Variants in NEB observed in about 807,000 individuals in gnomAD.
The protein encoded by NEB is nemaline myopathy type 2.
NEB carries 512 observed loss-of-function variants against 952.2 expected under a neutral mutation model. The ratio of observed to expected loss-of-function variants is 0.54; its 90% CI spans 0.50 to 0.58. The LOEUF (loss-of-function observed/expected upper bound fraction) is 0.58. Ranked by LOEUF, NEB falls within the 20% of genes least tolerant of loss-of-function variation. The pLI is 0.00. For missense variants in NEB, 8,428 were observed against 9,231.1 expected (o/e 0.91, Z 3.56); for synonymous variants, 2,900 against 3,149.8 (o/e 0.92, Z 2.66).
rs1057516996 is a variant in NEB at position 151,650,380 on chromosome 2, C to T, written c.7228-1G>A. 1.2e-6 allele frequency: 2 copies of T among 1,613,138 alleles called. No individual in the cohort carries two copies. The highest frequency in any genetic ancestry group is 1.7e-6 in the Non-Finnish European group (2 of 1,179,376). On this transcript the variant is annotated splice_acceptor_variant, in intron 53 of 181. Coordinates refer to ENST00000397345, the MANE Select transcript of NEB (RefSeq NM_001164508.2). LOFTEE classifies it high-confidence loss of function. Reference sequence around the variant, plus strand: ...ACTCAAGGTCAGATTTATATAGATTCTGTGAAAAGACAGAGCAAGCCATCA... The same window carrying T: ...ACTCAAGGTCAGATTTATATAGATTTTGTGAAAAGACAGAGCAAGCCATCA...
intron 168 of NEB, among the ~76,000 whole-genome samples, chr2:151,499,833 T>C (rs879379069): frequency 6.6e-6 from 1 of 152,178 alleles, no homozygotes; most frequent in African/African-American, 2.4e-5. Context: ...TTCAAGTTGT[T>C]GTAGAGATGG....
chr2:151,497,665 C>A lies in NEB; in HGVS notation c.24261G>T (p.Glu8087Asp). Residue 8087 changes from glutamate (E) to aspartate (D), a missense_variant, in exon 171 of 182, where the codon GAG becomes GAT. By Grantham distance (45) the Glu-to-Asp change is conservative. This residue lies in a region of NEB where 3,374 missense variants were observed against 3,651.5 expected (regional missense o/e 0.92). Coordinates refer to ENST00000397345, the MANE Select transcript of NEB (RefSeq NM_001164508.2). The part of the protein sequence containing the change: ...GKGTPLPVTP[E>D]MERVKHNQEN... ...CTTGATTGTGTTTGACTCTTTCCAT[C>A]TCGGGAGTGACAGGTAAAGGGGTTC... 1 of 1,585,756 alleles carries A rather than the reference C, an allele frequency of 6.3e-7. No homozygotes were observed. Among genetic ancestry groups the A allele is most frequent in the African/African-American group, 1.3e-5 (1 of 74,662 alleles).
Position 151,650,335 on chromosome 2 carries a change from C to T in NEB, c.7272G>A (p.Trp2424Ter). 6.2e-7 allele frequency: 1 copy of T among 1,613,912 alleles called. No individual in the cohort carries two copies. Among genetic ancestry groups the T allele is most frequent in the South Asian group, 1.1e-5 (1 of 91,090 alleles). Residue 2424 changes from tryptophan to a stop codon, truncating the protein, a stop_gained, in exon 54 of 182, where the codon TGG becomes TGA. Coordinates refer to ENST00000397345, the MANE Select transcript of NEB (RefSeq NM_001164508.2). LOFTEE classifies it high-confidence loss of function. Reference sequence around the variant, plus strand: ...CTGCCTCTAAAGAACCCAAGGGACTCCATCCTATGCCTCTCAGCCACTCAA... The same window carrying T: ...CTGCCTCTAAAGAACCCAAGGGACTTCATCCTATGCCTCTCAGCCACTCAA... ...SDLEWLRGIG[W>*]SPLGSLEAEK...
In NEB at chr2:151,524,355, G is replaced by A. The variant is rs1303568005; in HGVS notation, c.22435C>T (p.Pro7479Ser). The change falls in exon 153 of 182, where the codon CCA (proline) becomes TCA (serine). Residue 7479 changes from proline to serine, a missense_variant. By Grantham distance (74) the Pro-to-Ser change is moderately conservative. Coordinates refer to ENST00000397345, the MANE Select transcript of NEB (RefSeq NM_001164508.2). ...GCCTTCTTGGCCATTTCTATGTCTG[G>A]GCGACCGAGCATGCTTAAGCCATGG... ...GSHGLSMLGR[P>S]DIEMAKKAAK... The A allele has an allele frequency of 6.2e-7, 1 of 1,613,748 alleles. No individual in the cohort carries two copies. The highest frequency in any genetic ancestry group is 8.5e-7 in the Non-Finnish European group (1 of 1,179,886).
At chr2:151,506,085 G>C in intron 164 of NEB, 81 bp downstream of exon 164, 1 of 1,199,644 alleles carries the variant, frequency 8.3e-7, no homozygotes, top group Non-Finnish European at 1.2e-6. Flanking sequence ...GGTGACAGAG[G>C]CTTTGAGTGC....
intron 142 of NEB, among the ~76,000 whole-genome samples, chr2:151,534,046 C>T (rs1003904315): frequency 2.0e-5 from 3 of 152,198 alleles, no homozygotes; most frequent in African/African-American, 7.2e-5. Context: ...TGGACTGGCA[C>T]ACTCAAATAG....
At chr2:151,665,838 GCCT>G (rs2099209425) in intron 41 of NEB, among the ~76,000 whole-genome samples, 1 of 152,076 alleles carries the variant, frequency 6.6e-6, no homozygotes, top group Non-Finnish European at 1.5e-5. Context: ...ATCTATCTGA[GCCT>G]CCTAATTTTT....
At chr2:151,714,887 C>T (rs2099754994) in intron 10 of NEB, among the ~76,000 whole-genome samples, 1 of 152,116 alleles carries the variant, frequency 6.6e-6, no homozygotes, top group African/African-American at 2.4e-5. Flanking sequence ...TCTTGGCAGC[C>T]CTGTGCCTCC....
intron 173 of NEB, among the ~76,000 whole-genome samples, chr2:151,494,699 A>G (rs1559172684): frequency 6.6e-6 from 1 of 152,084 alleles, no homozygotes; most frequent in Non-Finnish European, 1.5e-5. Flanking sequence ...CCCAGGCTGG[A>G]GTGCAATGGC....
In NEB at chr2:151,697,475, C is replaced by T. The variant is rs1448402946; in HGVS notation, c.1258-18G>A. Reference sequence around the variant, plus strand: ...TATTTTTTCTGCAAGACAAAACATACTTCATTTATTAATTGGTGAAATAAT... The same window carrying T: ...TATTTTTTCTGCAAGACAAAACATATTTCATTTATTAATTGGTGAAATAAT... On this transcript the variant is annotated intron_variant, in intron 14 of 181. Transcript: ENST00000397345. 1.2e-6 allele frequency: 2 copies of T among 1,606,226 alleles called. No homozygotes were observed. Among genetic ancestry groups the T allele is most frequent in the Non-Finnish European group, 1.7e-6 (2 of 1,174,430 alleles).
chr2:151,664,805 G>A lies in NEB; in HGVS notation c.5297C>T (p.Thr1766Ile). ...DKTTIHVMPDTPDILLSRVNQ... is the reference protein window; with the variant it reads ...DKTTIHVMPDIPDILLSRVNQ... ...TACTCTGGAGAGTAAAATATCCGGT[G>A]TGTCAGGCATGACATGAATGGTGGT... is the stretch of plus-strand genomic sequence containing the variant. The change falls in exon 43 of 182, where the codon ACA (threonine) becomes ATA (isoleucine). Residue 1766 changes from threonine (T) to isoleucine (I), a missense_variant. By Grantham distance (89) the Thr-to-Ile change is moderately conservative. Coordinates refer to ENST00000397345, the MANE Select transcript of NEB (RefSeq NM_001164508.2). 6.2e-7 allele frequency: 1 copy of A among 1,613,080 alleles called. No homozygotes were observed.
At chr2:151,570,858 A>T (rs911432582) in intron 107 of NEB, among the ~76,000 whole-genome samples, 14 of 152,040 alleles carry the variant, frequency 9.2e-5, no homozygotes, top group Non-Finnish European at 1.6e-4. Context: ...TTTTATTTTT[A>T]TGGGTACATA....
At position 151,629,532 on chromosome 2, in the gene NEB, T is replaced by C. The variant is rs2098613210; in HGVS notation, c.9831+7A>G. Reference sequence around the variant, plus strand: ...TCCATGTAAATATCTAGGGTGTTGCTACTCACATCACTGATAACGTCCCTG... The same window carrying C: ...TCCATGTAAATATCTAGGGTGTTGCCACTCACATCACTGATAACGTCCCTG... On this transcript the variant is annotated splice_region_variant and intron_variant, in intron 68 of 181. Transcript: ENST00000397345. 12 of 1,602,842 alleles carry C rather than the reference T, an allele frequency of 7.5e-6. No individual in the cohort carries two copies. Among genetic ancestry groups the C allele is most frequent in the Non-Finnish European group, 9.4e-6 (11 of 1,169,990 alleles).
intron 107 of NEB, among the ~76,000 whole-genome samples, chr2:151,572,521 A>G (rs551234348): frequency 6.9e-6 from 1 of 144,950 alleles, no homozygotes; most frequent in African/African-American, 2.5e-5. Flanking sequence ...ATATATATAT[A>G]AAATATATAT....
At chr2:151,568,494 C>A in intron 111 of NEB, 77 bp from the exon 112 acceptor site, 1 of 1,469,292 alleles carries the variant, frequency 6.8e-7, no homozygotes, top group Non-Finnish European at 9.5e-7. Flanking sequence ...CAATTGTTAG[C>A]ATCCATCATT....
At chr2:151,661,623 C>A (rs1012386988) in intron 46 of NEB, among the ~76,000 whole-genome samples, 23 of 152,158 alleles carry the variant, frequency 1.5e-4, no homozygotes, top group Admixed American at 1.3e-3. Context: ...TAAGTCTTTT[C>A]TAAAAGCTGG....
chr2:151,486,989 AG>A (rs974923007), intron 181 of NEB, among the ~76,000 whole-genome samples: 1 of 152,216 alleles, frequency 6.6e-6, no homozygotes, highest in African/African-American at 2.4e-5. Context: ...TTGGAAAAAA[AG>A]CTTAAAATCA....
At chr2:151,536,161 G>A (rs1487893058) in intron 141 of NEB, among the ~76,000 whole-genome samples, 2 of 152,156 alleles carry the variant, frequency 1.3e-5, no homozygotes, top group African/African-American at 2.4e-5. Flanking sequence ...GCCTGCCTTG[G>A]CCTCCCAAGT....
At chr2:151,489,910 T>C in intron 181 of NEB, 61 bp downstream of exon 181, 1 of 1,300,374 alleles carries the variant, frequency 7.7e-7, no homozygotes, top group South Asian at 1.2e-5. Flanking sequence ...ATACTTATAA[T>C]CATGTTTGCA....
Sources: allele counts gnomAD v4.1 joint callset (sites outside exome capture counted in the v4.1 genomes callset), GRCh38; gene constraint gnomAD v4.1.1; regional missense constraint gnomAD v4.1.1; transcripts MANE v1.5; gene names NCBI Gene and HGNC (gene_info 2026-07-23, HGNC 2026-07-21).